Variants in DCT observed in about 807,000 individuals in gnomAD.
DCT encodes the protein L-dopachrome tautomerase.
In DCT, 47 loss-of-function variants were observed where a neutral mutation model predicts 53.0. The ratio of observed to expected loss-of-function variants is 0.89; its 90% CI spans 0.70 to 1.13. The LOEUF is 1.13. DCT is among the 50% of genes most tolerant of loss of function. DCT has a pLI of 0.00. For missense variants in DCT, 669 were observed against 637.4 expected, an observed-to-expected ratio of 1.05 and a Z score of -0.53; for synonymous variants, 244 against 237.0, an observed-to-expected ratio of 1.03 and a Z score of -0.27.
At chr13:94,514,999 G>A in the DCT span, among the ~76,000 whole-genome samples, 39,829 of 152,080 alleles carry the variant, frequency 0.26, 6,486 homozygotes, top group East Asian at 0.61. Context: ...TAGGTCATGA[G>A]GGTAGAGCTC....
At chr13:94,506,665 G>A in the DCT span, among the ~76,000 whole-genome samples, 1 of 152,058 alleles carries the variant, frequency 6.6e-6, no homozygotes, top group Non-Finnish European at 1.5e-5. Flanking sequence ...TTACACTGTT[G>A]CATGACAAAA....
rs1006251127 is a variant in DCT, at chr13:94,437,871, C to T, written c.*2027G>A. 6.6e-6 allele frequency: 1 copy of T among 152,056 alleles called. No homozygotes were observed. Among genetic ancestry groups the T allele is most frequent in the African/African-American group, 2.4e-5 (1 of 41,402 alleles). 9.4% of individuals were successfully genotyped at this position (152,056 alleles called of 1,614,324 possible). A position where few individuals can be genotyped will look rare whatever the true frequency, so the allele number is the denominator to read the frequency against. On this transcript the variant is annotated 3_prime_UTR_variant, in exon 8 of 8. Coordinates refer to ENST00000377028, the MANE Select transcript of DCT (RefSeq NM_001922.5). ...AACATAATAGTTATAAAAAGTCACC[C>T]ACACTACAGATAAAAGCAGCTAAGT...
At chr13:94,540,824 T>C in the DCT span, among the ~76,000 whole-genome samples, 1 of 152,288 alleles carries the variant, frequency 6.6e-6, no homozygotes, top group African/African-American at 2.4e-5. Context: ...CGGAAATCAG[T>C]ATATCCAATA....
At chr13:94,533,899 C>G in the DCT span, among the ~76,000 whole-genome samples, 1 of 152,266 alleles carries the variant, frequency 6.6e-6, no homozygotes, top group Non-Finnish European at 1.5e-5. Context: ...ACACAAGCAC[C>G]TTAAATAATT....
chr13:94,461,898 A>T, intron 5 of DCT, 112 bp downstream of exon 5: 1 of 858,238 alleles, frequency 1.2e-6, no homozygotes, highest in Non-Finnish European at 1.8e-6. Flanking sequence ...TCTCTCCATC[A>T]CTTAGCTTCG....
chr13:94,545,414 T>G, the DCT span, among the ~76,000 whole-genome samples: 1 of 152,112 alleles, frequency 6.6e-6, no homozygotes, highest in African/African-American at 2.4e-5. Flanking sequence ...TCTGAGAAGC[T>G]AAACAATAAC....
intron 1 of DCT, among the ~76,000 whole-genome samples, chr13:94,471,100 T>A (rs1193967398): frequency 6.6e-6 from 1 of 152,182 alleles, no homozygotes; most frequent in Non-Finnish European, 1.5e-5. Context: ...ACTATGACCA[T>A]AGGGGAGGGG....
chr13:94,469,014 G>T lies in DCT; in HGVS notation c.327C>A (p.Cys109Ter). 6.2e-7 allele frequency: 1 copy of T among 1,614,032 alleles called. No individual in the cohort carries two copies. The highest frequency in any genetic ancestry group is 8.5e-7 in the Non-Finnish European group (1 of 1,179,930). The change falls in exon 2 of 8, where the codon TGC (cysteine) becomes TGA (stop). Residue 109 changes from cysteine to a stop codon, truncating the protein, a stop_gained. Transcript: ENST00000377028. LOFTEE classifies it high-confidence loss of function. ...GNFAGYNCGD[C>*]KFGWTGPNCE... Reference sequence around the variant, plus strand: ...AGTTGGGACCGGTCCAGCCAAACTTGCAGTCTCCACAATTATAGCCGGCAA... The same window carrying T: ...AGTTGGGACCGGTCCAGCCAAACTTTCAGTCTCCACAATTATAGCCGGCAA...
intron 1 of DCT, among the ~76,000 whole-genome samples, chr13:94,478,482 AAAAG>A (rs1885250128): frequency 6.6e-6 from 1 of 152,264 alleles, no homozygotes; most frequent in East Asian, 1.9e-4. Context: ...ATCTCCAAAA[AAAAG>A]AGAGAGAGAG....
chr13:94,541,397 G>A, the DCT span, among the ~76,000 whole-genome samples: 2 of 151,886 alleles, frequency 1.3e-5, no homozygotes, highest in Admixed American at 6.6e-5. Context: ...CCAGTTACTC[G>A]GGAGACTGAG....
chr13:94,525,150 G>A, the DCT span, among the ~76,000 whole-genome samples: 2 of 152,050 alleles, frequency 1.3e-5, no homozygotes, highest in Non-Finnish European at 2.9e-5. Context: ...GCCCAAGCTA[G>A]AGTGCAATGA....
intron 6 of DCT, among the ~76,000 whole-genome samples, chr13:94,458,081 C>T (rs556030794): frequency 1.1e-4 from 17 of 152,242 alleles, no homozygotes; most frequent in Admixed American, 1.1e-3. Flanking sequence ...ATGCAAGATG[C>T]GTGACACCCC....
At chr13:94,489,327 G>C in the DCT span, among the ~76,000 whole-genome samples, 1 of 152,136 alleles carries the variant, frequency 6.6e-6, no homozygotes, top group Non-Finnish European at 1.5e-5. Flanking sequence ...AAGTTACTTT[G>C]TGAATAAGGA....
the DCT span, among the ~76,000 whole-genome samples, chr13:94,537,762 AC>A: frequency 3.9e-5 from 6 of 152,220 alleles, no homozygotes; most frequent in Non-Finnish European, 8.8e-5. Context: ...ATTCTTGAGA[AC>A]CTAAAATGTT....
chr13:94,499,463 T>TGC, the DCT span, among the ~76,000 whole-genome samples: 1 of 98,714 alleles, frequency 1.0e-5, no homozygotes, highest in African/African-American at 4.1e-5. Flanking sequence ...TGCATGAGAG[T>TGC]GAGTGTGTGT....
At chr13:94,547,056 A>G in the DCT span, among the ~76,000 whole-genome samples, 3 of 151,944 alleles carry the variant, frequency 2.0e-5, no homozygotes, top group African/African-American at 4.8e-5. Flanking sequence ...AGGGCTCTTG[A>G]TCTCTCAATT....
chr13:94,488,977 G>A, the DCT span, among the ~76,000 whole-genome samples: 25 of 152,072 alleles, frequency 1.6e-4, no homozygotes, highest in Non-Finnish European at 2.9e-4. Context: ...GGGAGTGGGG[G>A]CAGGGAGTAT....
At position 94,439,685 on chromosome 13, in the gene DCT, A is replaced by G; in HGVS notation, c.*213T>C. Reference sequence around the variant, plus strand: ...CAGGTCTATCTTTATTTGAAGGTAGAGGTAGCCTCAAGCACTTTAGTTGGG... The same window carrying G: ...CAGGTCTATCTTTATTTGAAGGTAGGGGTAGCCTCAAGCACTTTAGTTGGG... On this transcript the variant is annotated 3_prime_UTR_variant, in exon 8 of 8. Transcript: ENST00000377028. The G allele has an allele frequency of 2.6e-6, 1 of 380,292 alleles. No individual in the cohort carries two copies. Among genetic ancestry groups the G allele is most frequent in the Non-Finnish European group, 4.7e-6 (1 of 213,716 alleles). 23.6% of individuals were successfully genotyped at this position (380,292 alleles called of 1,614,324 possible). A position where few individuals can be genotyped will look rare whatever the true frequency, so the allele number is the denominator to read the frequency against.
At chr13:94,505,159 CTGGTT>C in the DCT span, among the ~76,000 whole-genome samples, 2 of 150,688 alleles carry the variant, frequency 1.3e-5, no homozygotes, top group African/African-American at 4.9e-5. Flanking sequence ...CCTGAAGGCC[CTGGTT>C]TGGTCTTGGG....
Sources: allele counts gnomAD v4.1 joint callset (sites outside exome capture counted in the v4.1 genomes callset), GRCh38; gene constraint gnomAD v4.1.1; transcripts MANE v1.5; gene names NCBI Gene and HGNC (gene_info 2026-07-23, HGNC 2026-07-21).